The following WDPCP variants were observed in gnomAD, a reference collection of about 807,000 sequenced individuals.
The protein encoded by WDPCP is WD repeat containing planar cell polarity effector, also known as WD repeat-containing and planar cell polarity effector protein fritz homolog.
Under a neutral mutation model 93.1 loss-of-function variants are expected in WDPCP, and 71 were observed. The observed-to-expected ratio is 0.76, with a 90% CI of 0.63 to 0.93. The LOEUF (loss-of-function observed/expected upper bound fraction) is 0.93, where lower values mean the gene tolerates loss of function less well. Ranked by LOEUF, WDPCP falls within the 40% of genes least tolerant of loss-of-function variation. The pLI is 0.00. For missense variants in WDPCP, 844 were observed against 887.4 expected (o/e 0.95, Z 0.62); for synonymous variants, 315 against 315.0 (o/e 1.00, Z 0.00).
intron 12 of WDPCP, among the ~76,000 whole-genome samples, chr2:63,324,754 T>C (rs185848998): frequency 6.6e-6 from 1 of 152,312 alleles, no homozygotes; most frequent in East Asian, 1.9e-4. Flanking sequence ...GTCCCCAGTA[T>C]GGATCCCCAC....
chr2:63,253,267 A>C (rs1680889342), intron 14 of WDPCP, among the ~76,000 whole-genome samples: 1 of 152,190 alleles, frequency 6.6e-6, no homozygotes. Flanking sequence ...GTATGACCTC[A>C]TACCATATAA....
rs573111172 is a variant in WDPCP, at chr2:63,474,903, A to G, written c.384+9701T>C. Among the ~76,000 whole-genome samples, 4 of 152,304 alleles carry G rather than the reference A, an allele frequency of 2.6e-5. No individual in the cohort carries two copies. In the South Asian group the frequency reaches 6.2e-4, roughly 24 times the overall value. On this transcript the variant is annotated intron_variant, in intron 6 of 17. Transcript: ENST00000272321. ...ATGTCTGCACAGTAAAAAGATAAAT[A>G]TCAAATGGTGAATAGTGGGTAATAC... is the stretch of plus-strand genomic sequence containing the variant.
chr2:63,689,278 T>A (rs191584537), intron 2 of WDPCP, among the ~76,000 whole-genome samples: 1 of 152,194 alleles, frequency 6.6e-6, no homozygotes, highest in South Asian at 2.1e-4. Context: ...TATTCTTCTC[T>A]GTAAATTTTT....
chr2:63,368,723 G>A (rs1217003875), intron 12 of WDPCP: 1 of 152,012 alleles, frequency 6.6e-6, no homozygotes, highest in East Asian at 1.9e-4. Context: ...GGCAAGTTCT[G>A]TTAAGTTTAA....
intron 2 of WDPCP, among the ~76,000 whole-genome samples, chr2:63,785,464 G>A (rs917967073): frequency 4.6e-5 from 7 of 151,792 alleles, no homozygotes; most frequent in African/African-American, 9.7e-5. Context: ...AATTAAGAAC[G>A]TGTAAATATT....
intron 2 of WDPCP, among the ~76,000 whole-genome samples, chr2:63,772,353 T>C (rs185577742): frequency 7.2e-5 from 11 of 152,220 alleles, no homozygotes; most frequent in African/African-American, 2.4e-4. Context: ...TTTATGTCCT[T>C]TGCTCACTCT....
chr2:63,161,116 G>T (rs1672611810), intron 15 of WDPCP, among the ~76,000 whole-genome samples: 1 of 152,174 alleles, frequency 6.6e-6, no homozygotes, highest in Non-Finnish European at 1.5e-5. Context: ...GATATGGTCT[G>T]TAAGGAAAAT....
chr2:63,212,254 C>T (rs907445605), intron 14 of WDPCP, among the ~76,000 whole-genome samples: 1 of 152,202 alleles, frequency 6.6e-6, no homozygotes, highest in African/African-American at 2.4e-5. Flanking sequence ...GCCCATCAGA[C>T]TAACAGCAGA....
intron 13 of WDPCP, among the ~76,000 whole-genome samples, chr2:63,301,116 G>A (rs1159706442): frequency 1.3e-5 from 2 of 152,308 alleles, no homozygotes; most frequent in East Asian, 1.9e-4. Flanking sequence ...GATCCATGAG[G>A]CACATTGTTG....
chr2:63,129,433 A>G (rs999160837), intron 17 of WDPCP, among the ~76,000 whole-genome samples: 2 of 152,218 alleles, frequency 1.3e-5, no homozygotes, highest in African/African-American at 4.8e-5. Flanking sequence ...CATCCTTATC[A>G]ACACTTTTTG....
chr2:63,682,903 T>C (rs1330967554), intron 2 of WDPCP, among the ~76,000 whole-genome samples: 1 of 152,170 alleles, frequency 6.6e-6, no homozygotes, highest in Admixed American at 6.5e-5. Flanking sequence ...AAGACATAGA[T>C]GCTGCACTAA....
At chr2:63,531,799 C>G (rs1703873481) in intron 1 of WDPCP, among the ~76,000 whole-genome samples, 1 of 152,188 alleles carries the variant, frequency 6.6e-6, no homozygotes, top group African/African-American at 2.4e-5. Flanking sequence ...CAGACCACCT[C>G]CTCTCCTCCA....
intron 1 of WDPCP, among the ~76,000 whole-genome samples, chr2:63,550,925 G>A (rs1309039088): frequency 6.6e-6 from 1 of 151,068 alleles, no homozygotes; most frequent in Non-Finnish European, 1.5e-5. Flanking sequence ...AGGCAAACCT[G>A]TCTATTTTCC....
intron 12 of WDPCP, among the ~76,000 whole-genome samples, chr2:63,348,120 CTTTATTA>C (rs1415903410): frequency 6.6e-6 from 1 of 152,070 alleles, no homozygotes; most frequent in African/African-American, 2.4e-5. Context: ...ATGCTAGTCA[CTTTATTA>C]TTTATTATTT....
intron 2 of WDPCP, among the ~76,000 whole-genome samples, chr2:63,722,561 G>C (rs965478754): frequency 8.1e-6 from 1 of 124,210 alleles, no homozygotes; most frequent in South Asian, 2.6e-4. Context: ...AGGGAGGTGG[G>C]GGGGGGTCAG....
chr2:63,530,349 T>C (rs1326703494), intron 1 of WDPCP, among the ~76,000 whole-genome samples: 1 of 152,238 alleles, frequency 6.6e-6, no homozygotes, highest in African/African-American at 2.4e-5. Context: ...GTGCTATAAA[T>C]TTCCTGCTAC....
intron 15 of WDPCP, among the ~76,000 whole-genome samples, chr2:63,163,179 C>A (rs1339201061): frequency 1.3e-5 from 2 of 152,136 alleles, no homozygotes; most frequent in Non-Finnish European, 2.9e-5. Flanking sequence ...AAATGGAAAT[C>A]TTTTTGTTCT....
chr2:63,338,567 AAAATATATATATATATATATATATATAT>A (rs1424839360), intron 12 of WDPCP, among the ~76,000 whole-genome samples: 2 of 10,988 alleles, frequency 1.8e-4, no homozygotes, highest in South Asian at 4.6e-3. Context: ...AAAAAAAAAA[AAAATATATATATATATATATATATATAT>A]ATATATATAT....
intron 14 of WDPCP, among the ~76,000 whole-genome samples, chr2:63,253,486 T>C (rs910011136): frequency 6.6e-6 from 1 of 152,108 alleles, no homozygotes; most frequent in African/African-American, 2.4e-5. Flanking sequence ...TTGCAAACTA[T>C]GCTATGCATT....
Sources: allele counts gnomAD v4.1 joint callset (sites outside exome capture counted in the v4.1 genomes callset), GRCh38; gene constraint gnomAD v4.1.1; transcripts MANE v1.5; gene names NCBI Gene and HGNC (gene_info 2026-07-23, HGNC 2026-07-21).